The following DNAH1 variants were observed in gnomAD, a reference collection of about 807,000 sequenced individuals.
DNAH1 encodes dynein axonemal heavy chain 1, also known as axonemal beta dynein heavy chain 1.
DNAH1 carries 327 observed loss-of-function variants against 484.3 expected under a neutral mutation model. That is an observed-to-expected ratio of 0.68 (90% CI 0.62 to 0.74). The LOEUF (loss-of-function observed/expected upper bound fraction) is 0.74. Ranked by LOEUF, DNAH1 falls within the 30% of genes least tolerant of loss-of-function variation. DNAH1 has a pLI of 0.00. For synonymous variants in DNAH1, 2,192 were observed against 2,191.9 expected, an observed-to-expected ratio of 1.00 and a Z score of 0.00; for missense variants, 5,052 against 5,546.8, an observed-to-expected ratio of 0.91 and a Z score of 2.83.
intron 51 of DNAH1, 75 bp downstream of exon 51, chr3:52,383,669 G>A (rs1280063950): frequency 6.2e-6 from 9 of 1,454,900 alleles, no homozygotes; most frequent in Non-Finnish European, 8.2e-6. Context: ...CGGGGACACT[G>A]GATGCCATGC....
At chr3:52,374,232 T>G in intron 44 of DNAH1, 1 of 1,423,616 alleles carries the variant, frequency 7.0e-7, no homozygotes, top group Non-Finnish European at 9.9e-7. Context: ...GCAGAGTTAC[T>G]GGAAATATTG....
Position 52,368,959 on chromosome 3 carries a change from G to A in DNAH1, c.5943+41G>A. The A allele has an allele frequency of 1.9e-6, 3 of 1,600,666 alleles. No individual in the cohort carries two copies. The highest frequency in any genetic ancestry group is 2.6e-6 in the Non-Finnish European group (3 of 1,169,332). On this transcript the variant is annotated intron_variant, in intron 37 of 77. Coordinates refer to ENST00000420323, the MANE Select transcript of DNAH1 (RefSeq NM_015512.5). This position sits in a 1 kb window ranked among gnomAD's most constrained non-coding sequence, Gnocchi z 4.4. ...CACCTGCCCACTCTCCTCCAAGGCT[G>A]GGTGGGCCTGGAGGCTGCATCATGC...
rs367804335 is a variant in DNAH1 at position 52,353,543 on chromosome 3, T to G, written c.3390T>G (p.Phe1130Leu). Reference sequence around the variant, plus strand: ...TCAGGCCCAAGGCCAACCTGACCTTTGCTCGCTGCCTGGAGATGAACCTGC... The same window carrying G: ...TCAGGCCCAAGGCCAACCTGACCTTGGCTCGCTGCCTGGAGATGAACCTGC... ...INVRPKANLTFARCLEMNLQD... is the reference protein window; with the variant it reads ...INVRPKANLTLARCLEMNLQD... Residue 1130 changes from phenylalanine (F) to leucine (L), a missense_variant, in exon 20 of 78, where the codon TTT becomes TTG. By Grantham distance (22) the Phe-to-Leu change is conservative. Around this residue, in one of 4 missense-constraint regions of DNAH1, gnomAD observed 2,929 missense variants for 3,409.4 expected, o/e 0.86. Transcript: ENST00000420323. This position sits in a 1 kb window ranked among gnomAD's most constrained non-coding sequence, Gnocchi z 5.0. 6.2e-7 allele frequency: 1 copy of G among 1,613,654 alleles called. No individual in the cohort carries two copies.
rs1702587496 is a variant in DNAH1, at chr3:52,355,861, G to A, written c.3694-753G>A. Among the ~76,000 whole-genome samples, 1 of 152,242 alleles carries A rather than the reference G, an allele frequency of 6.6e-6. No individual in the cohort carries two copies. The highest frequency in any genetic ancestry group is 2.1e-4 in the South Asian group (1 of 4,832). ...CATCCTTCAAGGGGTTCCCACCGAGGCCATTGTCGGTGCCTCTTTCAGAGT... is the reference window on the plus strand; with the variant it reads ...CATCCTTCAAGGGGTTCCCACCGAGACCATTGTCGGTGCCTCTTTCAGAGT... On this transcript the variant is annotated intron_variant, in intron 21 of 77. Coordinates refer to ENST00000420323, the MANE Select transcript of DNAH1 (RefSeq NM_015512.5). The surrounding 1 kb of genome is among the most constrained non-coding windows in gnomAD (Gnocchi z 4.5).
At chr3:52,385,564 C>T in intron 54 of DNAH1, 117 bp downstream of exon 54, 1 of 774,320 alleles carries the variant, frequency 1.3e-6, no homozygotes, top group Non-Finnish European at 2.1e-6. Flanking sequence ...CTCCGTGTGC[C>T]CCAGCTTCCT....
At chr3:52,363,501 A>G (rs1702948460) in intron 32 of DNAH1, among the ~76,000 whole-genome samples, 1 of 152,184 alleles carries the variant, frequency 6.6e-6, no homozygotes, top group African/African-American at 2.4e-5. Flanking sequence ...TGTGGGGACC[A>G]GAGTAGGACA....
intron 54 of DNAH1, 147 bp from the exon 55 acceptor site, chr3:52,386,013 G>T: frequency 1.1e-6 from 1 of 905,644 alleles, no homozygotes; most frequent in Non-Finnish European, 1.6e-6. Context: ...AGGTGGAAGG[G>T]GCTCCTGGTA....
intron 48 of DNAH1, among the ~76,000 whole-genome samples, chr3:52,380,445 AG>A (rs574590960): frequency 2.4e-3 from 359 of 152,332 alleles, no homozygotes; most frequent in Non-Finnish European, 2.0e-3. Context: ...TCAGGACCCC[AG>A]GGAGGCAGGG....
In DNAH1 at chr3:52,326,191, G is replaced by A. The variant is rs1241168257; in HGVS notation, c.458G>A (p.Cys153Tyr). The change falls in exon 4 of 78, where the codon TGC becomes TAC. Residue 153 changes from cysteine (C) to tyrosine (Y), a missense_variant. This residue lies in a region of DNAH1 where 1,263 missense variants were observed against 1,218.8 expected (regional missense o/e 1.04). Coordinates refer to ENST00000420323, the MANE Select transcript of DNAH1 (RefSeq NM_015512.5). ...EDFQERMEQQCIGSTTRLLAQ... is the reference protein window; with the variant it reads ...EDFQERMEQQYIGSTTRLLAQ... Reference sequence around the variant, plus strand: ...TTCCAGGAGCGCATGGAGCAGCAGTGCATCGGGTCCACCACCCGGCTGCTC... The same window carrying A: ...TTCCAGGAGCGCATGGAGCAGCAGTACATCGGGTCCACCACCCGGCTGCTC... The A allele has an allele frequency of 3.1e-6, 5 of 1,612,752 alleles. No homozygotes were observed. Among genetic ancestry groups the A allele is most frequent in the Non-Finnish European group, 4.2e-6 (5 of 1,179,416 alleles).
At chr3:52,359,199 T>A (rs1016980513) in intron 25 of DNAH1, 47 bp from the exon 26 acceptor site, 15 of 1,545,394 alleles carry the variant, frequency 9.7e-6, no homozygotes, top group Non-Finnish European at 1.1e-5. Context: ...AAGAATGGGA[T>A]TGGGGCTGCG....
intron 32 of DNAH1, among the ~76,000 whole-genome samples, chr3:52,363,370 C>G (rs528526218): frequency 1.3e-5 from 2 of 152,378 alleles, no homozygotes; most frequent in East Asian, 3.9e-4. Flanking sequence ...CAGTACACAG[C>G]AGCGCTGGAG....
At position 52,362,017 on chromosome 3, in the gene DNAH1, G is replaced by A. The variant is rs756619987; in HGVS notation, c.4980+251G>A. Among the ~76,000 whole-genome samples, 5 of 152,222 alleles carry A rather than the reference G, an allele frequency of 3.3e-5. No individual in the cohort carries two copies. Among genetic ancestry groups the A allele is most frequent in the Admixed American group, 6.5e-5 (1 of 15,278 alleles). On this transcript the variant is annotated intron_variant, in intron 30 of 77. Coordinates refer to ENST00000420323, the MANE Select transcript of DNAH1 (RefSeq NM_015512.5). This position sits in a 1 kb window ranked among gnomAD's most constrained non-coding sequence, Gnocchi z 5.1. ...AGGCATTGGTCCTTTCTCTAGCCAC[G>A]TGCAGGGCGGCCAGGGACCTTGTTC...
At chr3:52,373,238 T>C (rs1703429729) in intron 44 of DNAH1, among the ~76,000 whole-genome samples, 185 bp downstream of exon 44, 1 of 151,012 alleles carries the variant, frequency 6.6e-6, no homozygotes, top group South Asian at 2.1e-4. Flanking sequence ...CCGCCACGGC[T>C]GCCGCAGCCT....
chr3:52,336,503 G>A (rs545280647), intron 8 of DNAH1, among the ~76,000 whole-genome samples: 1 of 152,252 alleles, frequency 6.6e-6, no homozygotes, highest in Admixed American at 6.5e-5. Flanking sequence ...GCAGTGAGCC[G>A]CACTGGTACC....
At chr3:52,383,646 C>T (rs960165185) in intron 51 of DNAH1, 52 bp downstream of exon 51, 6 of 1,497,012 alleles carry the variant, frequency 4.0e-6, no homozygotes. Context: ...TGGGTGTGTA[C>T]ATGGGCTGGC....
rs762610490 is a variant in DNAH1 at position 52,360,343 on chromosome 3, G to A, written c.4604G>A (p.Arg1535His). The change falls in exon 28 of 78, where the codon CGT becomes CAT. Residue 1535 changes from arginine (R) to histidine (H), a missense_variant. Physicochemically the swap from Arg to His is conservative, Grantham distance 29. Coordinates refer to ENST00000420323, the MANE Select transcript of DNAH1 (RefSeq NM_015512.5). ...YYWTNNDLYI[R>H]AVNAEFIYGY... ...TGGACAAATAATGACCTGTATATCC[G>A]TGCTGTGAATGCTGAGTTCATCTAT... 2.9e-5 allele frequency: 46 copies of A among 1,613,826 alleles called. No homozygotes were observed. In the African/African-American group the frequency reaches 3.3e-4, roughly 12 times the overall value.
In DNAH1 at chr3:52,364,907, T is replaced by C. The variant is rs200456498; in HGVS notation, c.5406T>C (p.Ser1802=). Residue 1802 remains serine (S), a synonymous_variant, in exon 34 of 78, where the codon TCT becomes TCC. Transcript: ENST00000420323. The surrounding 1 kb of genome is among the most constrained non-coding windows in gnomAD (Gnocchi z 4.2). ...KFLQEDLKLF[S]GIVSDLFPTI... Reference sequence around the variant, plus strand: ...TGCAGGAGGACCTCAAGCTCTTCTCTGGCATCGTGTCCGACCTGTTTCCCA... The same window carrying C: ...TGCAGGAGGACCTCAAGCTCTTCTCCGGCATCGTGTCCGACCTGTTTCCCA... 102 of 1,614,012 alleles carry C rather than the reference T, an allele frequency of 6.3e-5. No individual in the cohort carries two copies. The African/African-American group carries it at 1.2e-3, about 19-fold the overall frequency.
Position 52,365,017 on chromosome 3 carries a change from AG to A in DNAH1, c.5518+1del. The A allele has an allele frequency of 1.1e-5, 18 of 1,607,758 alleles. No individual in the cohort carries two copies. Among genetic ancestry groups the A allele is most frequent in the Non-Finnish European group, 1.5e-5 (18 of 1,175,124 alleles). ...ACRNSNLKDV[E>X]GFLTKCIQLY... ...AGGAACAGCAACCTCAAGGATGTGG[AG>A]GGTGAGCCTCGGGCCCTGAGTGTTC... On this transcript the variant is annotated frameshift_variant and splice_region_variant, in exon 34 of 78. Coordinates refer to ENST00000420323, the MANE Select transcript of DNAH1 (RefSeq NM_015512.5). LOFTEE classifies it high-confidence loss of function.
At position 52,359,677 on chromosome 3, in the gene DNAH1, C is replaced by G. The variant is rs552275330; in HGVS notation, c.4408-239C>G. 4.3e-4 allele frequency among the ~76,000 whole-genome samples: 66 copies of G among 152,358 alleles called. 2 individuals are homozygous for G. The South Asian group carries it at 0.013, about 31-fold the overall frequency. On this transcript the variant is annotated intron_variant, in intron 26 of 77. Coordinates refer to ENST00000420323, the MANE Select transcript of DNAH1 (RefSeq NM_015512.5). Reference sequence around the variant, plus strand: ...GTGCTCCAGTGCCTTGCCAGGCTCCCCCTCCCGGCTTTAAGGGTTCAGACA... The same window carrying G: ...GTGCTCCAGTGCCTTGCCAGGCTCCGCCTCCCGGCTTTAAGGGTTCAGACA...
Sources: gnomAD v4.1 joint callset for allele counts (sites outside exome capture counted in the v4.1 genomes callset) on GRCh38, gnomAD v4.1.1 for gene constraint, gnomAD v4.1.1 regional missense constraint, Gnocchi (gnomAD v3.1) non-coding constraint, MANE v1.5 for transcripts, NCBI Gene and HGNC (gene_info 2026-07-23, HGNC 2026-07-21) for gene names.